Variants in WWOX observed in about 807,000 individuals in gnomAD.
The protein encoded by WWOX is WW domain containing oxidoreductase, also known as WW domain-containing oxidoreductase.
WWOX carries 69 observed loss-of-function variants against 46.2 expected under a neutral mutation model. The observed-to-expected ratio is 1.49, with a 90% CI of 1.23 to 1.82. The LOEUF (loss-of-function observed/expected upper bound fraction) is 1.82, where lower values mean the gene tolerates loss of function less well. WWOX is among the 40% of genes most tolerant of loss of function. The probability of loss-of-function intolerance (pLI) is 0.00; values close to 1 mark genes in which losing one functional copy is unlikely to be tolerated. For missense variants in WWOX, 919 were observed against 542.6 expected, an observed-to-expected ratio of 1.69 and a Z score of -6.89; for synonymous variants, 359 against 202.6, an observed-to-expected ratio of 1.77 and a Z score of -6.56.
chr16:78,936,087 G>C (rs911597130), intron 8 of WWOX, among the ~76,000 whole-genome samples: 1 of 152,076 alleles, frequency 6.6e-6, no homozygotes, highest in Non-Finnish European at 1.5e-5. Context: ...TAAGTAATTG[G>C]TTGTGATTGA....
intron 5 of WWOX, among the ~76,000 whole-genome samples, chr16:78,354,390 C>T (rs989173267): frequency 4.9e-5 from 7 of 142,722 alleles, no homozygotes; most frequent in Non-Finnish European, 9.0e-5. Context: ...AATGACTTTC[C>T]AGAGGGACTC....
intron 8 of WWOX, among the ~76,000 whole-genome samples, chr16:78,838,061 T>C (rs2052037885): frequency 6.6e-6 from 1 of 152,140 alleles, no homozygotes; most frequent in Admixed American, 6.5e-5. Context: ...CAGGAACCCA[T>C]CTTGGCTGTG....
chr16:78,230,532 C>G (rs904704626), intron 5 of WWOX, among the ~76,000 whole-genome samples: 1 of 152,208 alleles, frequency 6.6e-6, no homozygotes, highest in African/African-American at 2.4e-5. Flanking sequence ...TTTGCTTGAC[C>G]ATATCCTGCT....
At chr16:78,835,851 G>A (rs544079886) in intron 8 of WWOX, among the ~76,000 whole-genome samples, 2 of 152,242 alleles carry the variant, frequency 1.3e-5, no homozygotes, top group South Asian at 4.2e-4. Context: ...ATTCAAATCT[G>A]AATTCAACAT....
chr16:79,211,814 T>C lies in WWOX; in HGVS notation c.*18T>C, dbSNP rs369101141. 90 of 1,613,770 alleles carry C rather than the reference T, an allele frequency of 5.6e-5. No homozygotes were observed. Among genetic ancestry groups the C allele is most frequent in the Admixed American group, 5.0e-5 (3 of 59,996 alleles). On this transcript the variant is annotated 3_prime_UTR_variant, in exon 9 of 9. Coordinates refer to ENST00000566780, the MANE Select transcript of WWOX (RefSeq NM_016373.4). ...CCGGCTAAGTGGAGCTCAGAGCGGA[T>C]GGGCACACACACCCGCCCTGTGTGT...
At chr16:78,917,741 A>G (rs770997988) in intron 8 of WWOX, among the ~76,000 whole-genome samples, 15 of 152,136 alleles carry the variant, frequency 9.9e-5, no homozygotes, top group Non-Finnish European at 2.1e-4. Context: ...CTCCAGAACC[A>G]AACACCATAT....
chr16:78,228,874 G>A (rs897274056), intron 5 of WWOX, among the ~76,000 whole-genome samples: 1 of 152,160 alleles, frequency 6.6e-6, no homozygotes, highest in African/African-American at 2.4e-5. Context: ...TTTGTGCCAA[G>A]TGTCCGTAAA....
At chr16:78,509,105 G>A (rs773932352) in intron 8 of WWOX, among the ~76,000 whole-genome samples, 45 of 152,278 alleles carry the variant, frequency 3.0e-4, no homozygotes, top group South Asian at 6.2e-4. Context: ...CCCTCCCTTC[G>A]TGTAGAACAG....
chr16:78,221,933 A>G (rs1029296311), intron 5 of WWOX, among the ~76,000 whole-genome samples: 4 of 151,962 alleles, frequency 2.6e-5, no homozygotes, highest in East Asian at 3.9e-4. Flanking sequence ...TACATAATCT[A>G]TTTTCTTACT....
chr16:78,388,423 G>A (rs1234719153), intron 6 of WWOX, among the ~76,000 whole-genome samples: 3 of 151,992 alleles, frequency 2.0e-5, no homozygotes, highest in African/African-American at 7.2e-5. Flanking sequence ...AAGGCGGGGA[G>A]GGTCATGAGG....
chr16:78,968,400 C>T (rs913378930), intron 8 of WWOX, among the ~76,000 whole-genome samples: 26 of 151,922 alleles, frequency 1.7e-4, no homozygotes, highest in Admixed American at 1.6e-3. Context: ...TTGCTAATTG[C>T]CAGAGACCAG....
chr16:78,119,087 C>G (rs895056616), intron 4 of WWOX: 1 of 152,242 alleles, frequency 6.6e-6, no homozygotes, highest in Admixed American at 6.5e-5. Flanking sequence ...TCAAGAGGCC[C>G]GGAACCCCGC....
At chr16:78,846,281 C>G (rs1395524485) in intron 8 of WWOX, among the ~76,000 whole-genome samples, 5 of 152,172 alleles carry the variant, frequency 3.3e-5, no homozygotes, top group Admixed American at 2.6e-4. Flanking sequence ...TGTTATGATG[C>G]TATTAACTAC....
intron 8 of WWOX, among the ~76,000 whole-genome samples, chr16:78,832,122 G>A (rs1339976875): frequency 6.6e-6 from 1 of 152,174 alleles, no homozygotes; most frequent in Non-Finnish European, 1.5e-5. Context: ...CTAGCTCAGG[G>A]TCTTTTCTGA....
At chr16:79,047,436 A>C (rs556263410) in intron 8 of WWOX, among the ~76,000 whole-genome samples, 1 of 152,330 alleles carries the variant, frequency 6.6e-6, no homozygotes, top group South Asian at 2.1e-4. Context: ...TGATCGACTG[A>C]GGAATGTCAG....
Position 78,867,731 on chromosome 16 carries a change from A to G in WWOX, c.1057-343877A>G, listed in dbSNP as rs1372652416. Among the ~76,000 whole-genome samples, 4 of 152,002 alleles carry G rather than the reference A, an allele frequency of 2.6e-5. No homozygotes were observed. The South Asian group carries it at 6.2e-4, about 24-fold the overall frequency. On this transcript the variant is annotated intron_variant, in intron 8 of 8. Transcript: ENST00000566780. Reference sequence around the variant, plus strand: ...AATTAAGTGAGTTTCTTAAAGTCCTACAACTGGTGAGCTGTGAGCTGTAAA... The same window carrying G: ...AATTAAGTGAGTTTCTTAAAGTCCTGCAACTGGTGAGCTGTGAGCTGTAAA...
rs72487966 is a variant in WWOX at position 78,398,889 on chromosome 16, G to A, written c.605+11941G>A. Among the ~76,000 whole-genome samples, 233 of 152,310 alleles carry A rather than the reference G, an allele frequency of 1.5e-3. 2 individuals carry two copies. In the East Asian group the frequency reaches 0.031, roughly 20 times the overall value. Reference sequence around the variant, plus strand: ...TTTAACCTGTGTCATCATTGTCATCGTCTTTATCATCCTTTGCAATTATTA... The same window carrying A: ...TTTAACCTGTGTCATCATTGTCATCATCTTTATCATCCTTTGCAATTATTA... On this transcript the variant is annotated intron_variant, in intron 6 of 8. Coordinates refer to ENST00000566780, the MANE Select transcript of WWOX (RefSeq NM_016373.4).
chr16:78,893,111 A>G (rs1477046670), intron 8 of WWOX, among the ~76,000 whole-genome samples: 1 of 152,054 alleles, frequency 6.6e-6, no homozygotes, highest in African/African-American at 2.4e-5. Flanking sequence ...AGTAAACTGT[A>G]GTTACCCACA....
At chr16:78,509,589 C>G (rs1218824156) in intron 8 of WWOX, among the ~76,000 whole-genome samples, 3 of 152,148 alleles carry the variant, frequency 2.0e-5, no homozygotes, top group African/African-American at 4.8e-5. Context: ...TGCCAGTGTG[C>G]AATGCTTCCC....
Sources: allele counts gnomAD v4.1 joint callset (sites outside exome capture counted in the v4.1 genomes callset), GRCh38; gene constraint gnomAD v4.1.1; transcripts MANE v1.5; gene names NCBI Gene and HGNC (gene_info 2026-07-23, HGNC 2026-07-21).